Variants in PLEKHD1 observed in about 807,000 individuals in gnomAD.
The protein encoded by PLEKHD1 is pleckstrin homology and coiled-coil domain containing D1.
In PLEKHD1, 51 loss-of-function variants were observed where a neutral mutation model predicts 69.2. The observed-to-expected ratio is 0.74, with a 90% CI of 0.59 to 0.93. The LOEUF (loss-of-function observed/expected upper bound fraction) is 0.93, where lower values mean the gene tolerates loss of function less well. Ranked by LOEUF, PLEKHD1 falls within the 40% of genes least tolerant of loss-of-function variation. PLEKHD1 has a pLI of 0.00. For missense variants in PLEKHD1, 584 were observed against 641.0 expected, an observed-to-expected ratio of 0.91 and a Z score of 0.96; for synonymous variants, 236 against 244.7, an observed-to-expected ratio of 0.96 and a Z score of 0.33.
At chr14:69,496,702 ATTTTTT>A (rs375368521) in intron 1 of PLEKHD1, among the ~76,000 whole-genome samples, 136 of 112,924 alleles carry the variant, frequency 1.2e-3, no homozygotes, top group African/African-American at 4.9e-3. Flanking sequence ...TGCCCAGCTA[ATTTTTT>A]TTTTTTTTTT....
chr14:69,498,491 C>A (rs1034816847), intron 1 of PLEKHD1, among the ~76,000 whole-genome samples: 1 of 152,180 alleles, frequency 6.6e-6, no homozygotes, highest in East Asian at 1.9e-4. Context: ...GGCCTGCCTC[C>A]GCATAGCAGC....
chr14:69,469,972 T>C, the PLEKHD1 span, among the ~76,000 whole-genome samples: 2 of 151,558 alleles, frequency 1.3e-5, no homozygotes, highest in Non-Finnish European at 2.9e-5. Flanking sequence ...TCCACCCACC[T>C]AGGCCTCCCA....
upstream of PLEKHD1, among the ~76,000 whole-genome samples, chr14:69,483,315 C>T (rs1014365453): frequency 4.0e-5 from 6 of 151,734 alleles, no homozygotes; most frequent in African/African-American, 1.5e-4. Flanking sequence ...CCTTGGGGAA[C>T]ATCTAGTGGG....
chr14:69,513,144 A>G (rs1477298285), intron 6 of PLEKHD1, among the ~76,000 whole-genome samples: 1 of 151,948 alleles, frequency 6.6e-6, no homozygotes, highest in African/African-American at 2.4e-5. Flanking sequence ...ACTTGAACCC[A>G]GGAGGCGGAA....
chr14:69,517,312 A>T (rs1883406977), intron 6 of PLEKHD1, among the ~76,000 whole-genome samples: 1 of 152,134 alleles, frequency 6.6e-6, no homozygotes, highest in South Asian at 2.1e-4. Context: ...AAGATCATGA[A>T]TTTGTTCTTG....
intron 6 of PLEKHD1, among the ~76,000 whole-genome samples, chr14:69,513,449 C>T (rs1883315812): frequency 6.6e-6 from 1 of 152,070 alleles, no homozygotes; most frequent in Non-Finnish European, 1.5e-5. Flanking sequence ...TTGGTTACAG[C>T]TTGGTGTTTG....
chr14:69,525,888 G>A, intron 8 of PLEKHD1, 56 bp from the exon 9 acceptor site: 1 of 1,499,798 alleles, frequency 6.7e-7, no homozygotes, highest in Admixed American at 2.2e-5. Flanking sequence ...GGTGAGGGCA[G>A]CCACGATGGA....
chr14:69,500,540 G>C, intron 2 of PLEKHD1, 37 bp from the exon 3 acceptor site: 1 of 1,503,538 alleles, frequency 6.7e-7, no homozygotes, highest in Non-Finnish European at 8.9e-7. Flanking sequence ...ACCCCAGTTG[G>C]GTGGGGTGGG....
the PLEKHD1 span, among the ~76,000 whole-genome samples, chr14:69,470,822 A>G: frequency 6.6e-6 from 1 of 151,330 alleles, no homozygotes; most frequent in African/African-American, 2.4e-5. Flanking sequence ...GCTGGAGTGC[A>G]GTGGCATGAT....
rs142424996 is a variant in PLEKHD1, at chr14:69,518,276, A to G, written c.556-4007A>G. Among the ~76,000 whole-genome samples the G allele has an allele frequency of 3.3e-3, 504 of 152,176 alleles. 1 individual carries two copies. Among genetic ancestry groups the G allele is most frequent in the Non-Finnish European group, 4.9e-3 (333 of 68,008 alleles). ...GGCTGCTCTTGAACTCCTGAGCTCA[A>G]GCAATCCTCCCACCTCGGCCTCCCA... On this transcript the variant is annotated intron_variant, in intron 6 of 12. Coordinates refer to ENST00000322564, the MANE Select transcript of PLEKHD1 (RefSeq NM_001161498.2).
At chr14:69,497,424 G>A (rs1882912603) in intron 1 of PLEKHD1, among the ~76,000 whole-genome samples, 1 of 152,260 alleles carries the variant, frequency 6.6e-6, no homozygotes, top group Non-Finnish European at 1.5e-5. Context: ...GCCCCATTGG[G>A]GCAAGATGCA....
At chr14:69,525,028 TC>T (rs879469589) in intron 8 of PLEKHD1, among the ~76,000 whole-genome samples, 2 of 152,114 alleles carry the variant, frequency 1.3e-5, no homozygotes, top group African/African-American at 2.4e-5. Context: ...TTGGAGAACT[TC>T]TATTCACCCT....
intron 1 of PLEKHD1, among the ~76,000 whole-genome samples, chr14:69,488,494 A>T (rs757231716): frequency 6.6e-6 from 1 of 152,138 alleles, no homozygotes; most frequent in Non-Finnish European, 1.5e-5. Flanking sequence ...GAGGTATCCC[A>T]CAAGCAGAAT....
chr14:69,498,713 T>A (rs896309745), intron 1 of PLEKHD1, among the ~76,000 whole-genome samples: 5 of 151,232 alleles, frequency 3.3e-5, no homozygotes. Context: ...AGTGGCGTGA[T>A]CTTGGCTCAC....
At chr14:69,487,943 A>G (rs951747129) in intron 1 of PLEKHD1, among the ~76,000 whole-genome samples, 2 of 152,124 alleles carry the variant, frequency 1.3e-5, no homozygotes, top group Admixed American at 6.5e-5. Flanking sequence ...CCACCTCCCA[A>G]ATCCCTGCTG....
At chr14:69,527,596 C>G (rs1387412815) in intron 11 of PLEKHD1, among the ~76,000 whole-genome samples, 187 bp from the exon 12 acceptor site, 1 of 152,226 alleles carries the variant, frequency 6.6e-6, no homozygotes, top group African/African-American at 2.4e-5. Flanking sequence ...GCAGACGTGC[C>G]CTGAGATGGC....
intron 6 of PLEKHD1, among the ~76,000 whole-genome samples, chr14:69,512,400 CTGTTT>C (rs1488528302): frequency 1.3e-5 from 2 of 151,604 alleles, no homozygotes; most frequent in Non-Finnish European, 2.9e-5. Context: ...GATTTCTGCT[CTGTTT>C]TATTTCTTTT....
chr14:69,502,073 A>G (rs1883041850), intron 5 of PLEKHD1: 2 of 404,968 alleles, frequency 4.9e-6, no homozygotes, highest in Admixed American at 8.3e-5. Flanking sequence ...TTTGTCACCC[A>G]TCTCAGCTGT....
At position 69,498,663 on chromosome 14, in the gene PLEKHD1, T is replaced by TTCTCTTCTCTTCTCTTCTC. The variant is rs1555337218; in HGVS notation, c.150-1451_150-1450insCTCTTCTCTTCTCTTCTCT. 7.1e-4 allele frequency among the ~76,000 whole-genome samples: 44 copies of TTCTCTTCTCTTCTCTTCTC among 61,898 alleles called. 1 individual carries two copies. The highest frequency in any genetic ancestry group is 2.4e-3 in the African/African-American group (44 of 18,598). 40.6% of individuals were successfully genotyped at this position (61,898 alleles called of 152,430 possible). A position where few individuals can be genotyped will look rare whatever the true frequency, so the allele number is the denominator to read the frequency against. On this transcript the variant is annotated intron_variant, in intron 1 of 12. Transcript: ENST00000322564. ...CTTCTCTTCTCTTCTCTTCTCTTCT[T>TTCTCTTCTCTTCTCTTCTC]TGAGATGGAGTCTCACTCGTGTTGC...
Sources: gnomAD v4.1 joint callset for allele counts (sites outside exome capture counted in the v4.1 genomes callset) on GRCh38, gnomAD v4.1.1 for gene constraint, MANE v1.5 for transcripts, NCBI Gene and HGNC (gene_info 2026-07-23, HGNC 2026-07-21) for gene names.